TUBGCP3: variants seen among roughly 807,000 people sequenced by gnomAD.
TUBGCP3 encodes the protein gamma-tubulin complex component 3.
TUBGCP3 carries 50 observed loss-of-function variants against 123.1 expected under a neutral mutation model. The observed-to-expected ratio is 0.41, with a 90% CI of 0.32 to 0.51. The LOEUF (loss-of-function observed/expected upper bound fraction) is 0.51, where lower values mean the gene tolerates loss of function less well. Among genes scored for constraint, TUBGCP3 ranks in the 20% least tolerant of loss-of-function variants. The probability of loss-of-function intolerance (pLI) is 0.36; values close to 1 mark genes in which losing one functional copy is unlikely to be tolerated. For missense variants in TUBGCP3, 882 were observed against 1,127.0 expected (o/e 0.78, Z 3.11); for synonymous variants, 405 against 413.9 (o/e 0.98, Z 0.26).
At chr13:112,577,195 A>G (rs950850752) in intron 1 of TUBGCP3, among the ~76,000 whole-genome samples, 8 of 152,176 alleles carry the variant, frequency 5.3e-5, no homozygotes, top group Non-Finnish European at 8.8e-5. Context: ...GGCTGGGCAC[A>G]CTTTCTTCCA....
At chr13:112,486,211 TC>T in intron 21 of TUBGCP3, 60 bp from the exon 22 acceptor site, 1 of 1,587,926 alleles carries the variant, frequency 6.3e-7, no homozygotes, top group Non-Finnish European at 8.6e-7. Context: ...ACAAACGTAT[TC>T]CCCGGACCTT....
At chr13:112,490,696 C>G (rs1880024629) in intron 20 of TUBGCP3, among the ~76,000 whole-genome samples, 1 of 152,172 alleles carries the variant, frequency 6.6e-6, no homozygotes. Context: ...TGAGATTTCT[C>G]CATCAATATT....
At chr13:112,561,570 T>G (rs1465552573) in intron 3 of TUBGCP3, among the ~76,000 whole-genome samples, 1 of 152,108 alleles carries the variant, frequency 6.6e-6, no homozygotes. Context: ...AGATCAATGG[T>G]GCTGTCATTC....
intron 6 of TUBGCP3, 139 bp downstream of exon 6, chr13:112,555,913 G>A: frequency 3.1e-6 from 3 of 970,714 alleles, no homozygotes; most frequent in Non-Finnish European, 4.4e-6. Context: ...GACCACCAGG[G>A]ACTCTGGACT....
chr13:112,575,617 C>T (rs2139300848), intron 1 of TUBGCP3, among the ~76,000 whole-genome samples: 1 of 152,370 alleles, frequency 6.6e-6, no homozygotes, highest in East Asian at 1.9e-4. Context: ...GGTATTCACA[C>T]AACAGCCCAC....
the TUBGCP3 span, among the ~76,000 whole-genome samples, chr13:112,599,794 C>A: frequency 6.6e-6 from 1 of 152,174 alleles, no homozygotes; most frequent in African/African-American, 2.4e-5. Context: ...GCTGGGATTA[C>A]AGGCATGAGC....
At chr13:112,533,601 G>A (rs967552446) in intron 11 of TUBGCP3, among the ~76,000 whole-genome samples, 7 of 151,698 alleles carry the variant, frequency 4.6e-5, no homozygotes, top group African/African-American at 1.7e-4. Flanking sequence ...CACAGCACCC[G>A]TGCCTTTGTC....
chr13:112,605,359 C>A, the TUBGCP3 span: 1 of 133,912 alleles, frequency 7.5e-6, no homozygotes, highest in East Asian at 2.3e-4. Flanking sequence ...GGGACCCAAA[C>A]CATTGGCTGA....
At chr13:112,581,720 A>G (rs925628752) in intron 1 of TUBGCP3, among the ~76,000 whole-genome samples, 3 of 152,236 alleles carry the variant, frequency 2.0e-5, no homozygotes, top group African/African-American at 7.2e-5. Context: ...TGCTGGGATT[A>G]CAGGTGTGAG....
intron 19 of TUBGCP3, among the ~76,000 whole-genome samples, chr13:112,503,341 C>T (rs943137866): frequency 2.0e-5 from 3 of 152,156 alleles, no homozygotes; most frequent in African/African-American, 4.8e-5. Context: ...AAATGTCATA[C>T]ATGTCACCAT....
chr13:112,542,922 C>A (rs763862430), intron 11 of TUBGCP3, among the ~76,000 whole-genome samples: 2 of 152,142 alleles, frequency 1.3e-5, no homozygotes, highest in African/African-American at 4.8e-5. Context: ...CCAAGGTGGG[C>A]GGATTGCCTG....
the TUBGCP3 span, among the ~76,000 whole-genome samples, chr13:112,601,477 C>T: frequency 1.3e-5 from 2 of 152,190 alleles, no homozygotes; most frequent in African/African-American, 4.8e-5. Flanking sequence ...TCACAGTTCC[C>T]CGCGGCTCTG....
At chr13:112,588,534 G>A (rs1013974809), upstream of TUBGCP3, among the ~76,000 whole-genome samples, 5 of 152,122 alleles carry the variant, frequency 3.3e-5, no homozygotes, top group Admixed American at 1.3e-4. Context: ...ACGTGCAGTG[G>A]GCAGTTCACC....
rs1355510880 is a variant in TUBGCP3, at chr13:112,527,488, A to G, written c.1336-4T>C. The G allele has an allele frequency of 6.3e-7, 1 of 1,598,536 alleles. No homozygotes were observed. Among genetic ancestry groups the G allele is most frequent in the Non-Finnish European group, 8.6e-7 (1 of 1,166,342 alleles). ...TTGGATCTGATGCTACAAAAAACTGAAAGCAAAGGGGCATGGAAATGTTCA... is the reference window on the plus strand; with the variant it reads ...TTGGATCTGATGCTACAAAAAACTGGAAGCAAAGGGGCATGGAAATGTTCA... On this transcript the variant is annotated splice_polypyrimidine_tract_variant and splice_region_variant and intron_variant, in intron 11 of 21. Transcript: ENST00000261965.
At chr13:112,551,702 C>G (rs1879600295) in intron 8 of TUBGCP3, among the ~76,000 whole-genome samples, 1 of 152,150 alleles carries the variant, frequency 6.6e-6, no homozygotes, top group Admixed American at 6.5e-5. Context: ...CTCACATCTG[C>G]AAAATGGGGA....
intron 21 of TUBGCP3, among the ~76,000 whole-genome samples, chr13:112,489,082 A>AT (rs1438415543): frequency 7.8e-5 from 10 of 127,594 alleles, no homozygotes; most frequent in African/African-American, 3.2e-4. Flanking sequence ...AGGTCCCCAC[A>AT]CCCACCACAG....
At position 112,554,976 on chromosome 13, in the gene TUBGCP3, C is replaced by T; in HGVS notation, c.751G>A (p.Val251Ile). ...GTMEITEAAL[V>I]RDILYVFQGI... ...TGAAAGACGTACAAAATGTCCCTTA[C>T]CAGAGCTGCTTCTGTAATTTCCATA... The change falls in exon 7 of 22, where the codon GTA (valine) becomes ATA (isoleucine). Residue 251 changes from valine to isoleucine, a missense_variant. By Grantham distance (29) the Val-to-Ile change is conservative (BLOSUM62 3). Transcript: ENST00000261965. 6.2e-7 allele frequency: 1 copy of T among 1,609,376 alleles called. No homozygotes were observed. Among genetic ancestry groups the T allele is most frequent in the South Asian group, 1.1e-5 (1 of 89,470 alleles).
intron 6 of TUBGCP3, among the ~76,000 whole-genome samples, chr13:112,555,548 T>TA (rs1879951166): frequency 6.6e-6 from 1 of 152,210 alleles, no homozygotes; most frequent in Admixed American, 6.5e-5. Context: ...AGCAGGGCTT[T>TA]AAAACCCTCC....
the TUBGCP3 span, among the ~76,000 whole-genome samples, chr13:112,599,693 T>A: frequency 1.3e-5 from 2 of 151,928 alleles, no homozygotes; most frequent in East Asian, 1.9e-4. Flanking sequence ...TTTTTTATTT[T>A]TTTTTTTAGT....
Sources: gnomAD v4.1 joint callset for allele counts (sites outside exome capture counted in the v4.1 genomes callset) on GRCh38, gnomAD v4.1.1 for gene constraint, MANE v1.5 for transcripts, NCBI Gene and HGNC (gene_info 2026-07-23, HGNC 2026-07-21) for gene names.